The following ARHGAP22 variants were observed in gnomAD, a reference collection of about 807,000 sequenced individuals.
The protein encoded by ARHGAP22 is Rho GTPase activating protein 22, also known as rho GTPase-activating protein 22.
In ARHGAP22, 48 loss-of-function variants were observed where a neutral mutation model predicts 59.1. The ratio of observed to expected loss-of-function variants is 0.81; its 90% CI spans 0.64 to 1.03. ARHGAP22 has a LOEUF of 1.03. Ranked by LOEUF, ARHGAP22 falls within the 50% of genes least tolerant of loss-of-function variation. The pLI is 0.00. For synonymous variants in ARHGAP22, 445 were observed against 416.4 expected (o/e 1.07, Z -0.84); for missense variants, 1,015 against 958.7 (o/e 1.06, Z -0.78).
intron 3 of ARHGAP22, among the ~76,000 whole-genome samples, chr10:48,543,034 G>T (rs1179017523): frequency 1.3e-5 from 2 of 152,180 alleles, no homozygotes; most frequent in Non-Finnish European, 2.9e-5. Context: ...CCTGGCTGCT[G>T]GTGGGCATGT....
At chr10:48,445,428 C>G (rs1259371277), downstream of ARHGAP22, 1 of 152,486 alleles carries the variant, frequency 6.6e-6, no homozygotes, top group Non-Finnish European at 1.5e-5. Flanking sequence ...GAAGCACAGT[C>G]CAGGAGCTCC....
At chr10:48,502,918 T>C (rs535411533) in intron 3 of ARHGAP22, among the ~76,000 whole-genome samples, 1 of 152,306 alleles carries the variant, frequency 6.6e-6, no homozygotes, top group East Asian at 1.9e-4. Flanking sequence ...AAGCAGTCAA[T>C]GCTAGGAAGG....
At chr10:48,537,664 G>A (rs1021586743) in intron 3 of ARHGAP22, among the ~76,000 whole-genome samples, 1 of 152,234 alleles carries the variant, frequency 6.6e-6, no homozygotes, top group African/African-American at 2.4e-5. Context: ...TCAAGGTGGC[G>A]CACACAGGGG....
chr10:48,546,303 G>A (rs1260939036), intron 3 of ARHGAP22, among the ~76,000 whole-genome samples: 1 of 152,142 alleles, frequency 6.6e-6, no homozygotes, highest in Non-Finnish European at 1.5e-5. Context: ...CCCTCAGTTG[G>A]TCTACCCTGA....
At chr10:48,541,231 T>G (rs963047059) in intron 3 of ARHGAP22, among the ~76,000 whole-genome samples, 2 of 152,148 alleles carry the variant, frequency 1.3e-5, no homozygotes, top group African/African-American at 4.8e-5. Flanking sequence ...AGAGGTGACC[T>G]GGGTCATTCA....
intron 4 of ARHGAP22, among the ~76,000 whole-genome samples, chr10:48,465,076 G>A (rs1255883032): frequency 6.6e-6 from 1 of 152,124 alleles, no homozygotes; most frequent in Non-Finnish European, 1.5e-5. Context: ...TCAGGAGCCT[G>A]GCAGGGCCTG....
intron 3 of ARHGAP22, among the ~76,000 whole-genome samples, chr10:48,494,877 G>C (rs1264689022): frequency 6.6e-6 from 1 of 152,122 alleles, no homozygotes; most frequent in African/African-American, 2.4e-5. Flanking sequence ...CAGAAACTTT[G>C]CATTCTCTCA....
At chr10:48,655,068 C>CCTTCCCTTCT (rs2062744493), upstream of ARHGAP22, among the ~76,000 whole-genome samples, 1 of 22,126 alleles carries the variant, frequency 4.5e-5, no homozygotes, top group Non-Finnish European at 8.4e-5. Flanking sequence ...TTCCTTCCCT[C>CCTTCCCTTCT]CTTCTCTTCT....
intron 1 of ARHGAP22, among the ~76,000 whole-genome samples, chr10:48,649,863 G>T (rs2062476946): frequency 6.6e-6 from 1 of 152,202 alleles, no homozygotes; most frequent in South Asian, 2.1e-4. Context: ...ACAAAGTGAA[G>T]AAATGAAGCA....
At chr10:48,651,261 C>T (rs1482530116) in intron 1 of ARHGAP22, among the ~76,000 whole-genome samples, 2 of 152,098 alleles carry the variant, frequency 1.3e-5, no homozygotes. Flanking sequence ...CTAGAATTTC[C>T]AATCTTTACC....
At chr10:48,555,371 G>A (rs1289371420) in intron 3 of ARHGAP22, 92 bp downstream of exon 3, 22 of 1,226,614 alleles carry the variant, frequency 1.8e-5, no homozygotes, top group Middle Eastern at 2.7e-4. Context: ...TGGCTCCTGC[G>A]GGAGGAGTGT....
intron 3 of ARHGAP22, among the ~76,000 whole-genome samples, chr10:48,504,893 C>T (rs1407848624): frequency 2.0e-5 from 3 of 151,902 alleles, no homozygotes; most frequent in Non-Finnish European, 2.9e-5. Flanking sequence ...GGAAGAGTCC[C>T]GGTAGTGATG....
chr10:48,647,916 A>G (rs1405061272), intron 1 of ARHGAP22, among the ~76,000 whole-genome samples: 2 of 152,242 alleles, frequency 1.3e-5, no homozygotes, highest in Non-Finnish European at 2.9e-5. Context: ...ACGTTATGCT[A>G]CATGAAAGAA....
Position 48,450,581 on chromosome 10 carries a change from C to T in ARHGAP22, c.1548G>A (p.Ser516=), listed in dbSNP as rs1306029640. ...SVASMAWSGA[S]SSESSVGGSL... ...AGCCCCCCACCGACGACTCGCTGGACGAGGCCCCGGACCACGCCATACTGG... is the reference window on the plus strand; with the variant it reads ...AGCCCCCCACCGACGACTCGCTGGATGAGGCCCCGGACCACGCCATACTGG... Residue 516 remains serine (S), a synonymous_variant, in exon 9 of 10, where the codon TCG becomes TCA. Coordinates refer to ENST00000249601, the MANE Select transcript of ARHGAP22 (RefSeq NM_021226.4). The T allele has an allele frequency of 7.8e-6, 12 of 1,538,834 alleles. No homozygotes were observed. The highest frequency in any genetic ancestry group is 1.0e-5 in the Non-Finnish European group (12 of 1,143,544).
At chr10:48,607,529 G>A (rs1159582141), upstream of ARHGAP22, among the ~76,000 whole-genome samples, 1 of 152,196 alleles carries the variant, frequency 6.6e-6, no homozygotes, top group Non-Finnish European at 1.5e-5. Flanking sequence ...AGGGCCCTGG[G>A]AGCCTCCCAC....
intron 3 of ARHGAP22, among the ~76,000 whole-genome samples, chr10:48,489,306 A>G (rs2050142781): frequency 6.6e-6 from 1 of 152,120 alleles, no homozygotes; most frequent in Non-Finnish European, 1.5e-5. Context: ...CAGGTGGAAA[A>G]ACCGAGGCTC....
chr10:48,560,582 T>C (rs1174647802), intron 2 of ARHGAP22, among the ~76,000 whole-genome samples: 1 of 152,140 alleles, frequency 6.6e-6, no homozygotes, highest in African/African-American at 2.4e-5. Context: ...TTTATCCTGA[T>C]CATAGGGAAA....
At chr10:48,443,547 G>T (rs955168528), downstream of ARHGAP22, among the ~76,000 whole-genome samples, 1 of 152,100 alleles carries the variant, frequency 6.6e-6, no homozygotes, top group East Asian at 1.9e-4. Flanking sequence ...GGGGTTCTTG[G>T]TGGAGGCAGG....
intron 2 of ARHGAP22, among the ~76,000 whole-genome samples, chr10:48,568,577 T>A (rs932919279): frequency 1.3e-5 from 2 of 152,328 alleles, no homozygotes; most frequent in East Asian, 3.9e-4. Flanking sequence ...GCTGAGCCTC[T>A]CCAGAGGGAG....
Sources: allele counts gnomAD v4.1 joint callset (sites outside exome capture counted in the v4.1 genomes callset), GRCh38; gene constraint gnomAD v4.1.1; transcripts MANE v1.5; gene names NCBI Gene and HGNC (gene_info 2026-07-23, HGNC 2026-07-21).